Variants in COL11A1 observed in about 807,000 individuals in gnomAD.
COL11A1 encodes collagen type XI alpha 1 chain.
In COL11A1, 74 loss-of-function variants were observed where a neutral mutation model predicts 265.2. That is an observed-to-expected ratio of 0.28 (90% CI 0.23 to 0.34). The LOEUF (loss-of-function observed/expected upper bound fraction) is 0.34, where lower values mean the gene tolerates loss of function less well. Ranked by LOEUF, COL11A1 falls within the 10% of genes least tolerant of loss-of-function variation. COL11A1 has a pLI of 1.00. For synonymous variants in COL11A1, 816 were observed against 727.6 expected (o/e 1.12, Z -1.96); for missense variants, 2,165 against 2,263.6 (o/e 0.96, Z 0.88).
At chr1:102,892,691 A>G (rs1475079667) in intron 57 of COL11A1, among the ~76,000 whole-genome samples, 5 of 152,192 alleles carry the variant, frequency 3.3e-5, no homozygotes, top group Non-Finnish European at 7.3e-5. Flanking sequence ...TAGTGTTAAT[A>G]TAAATTAGCC....
At chr1:102,967,236 T>C (rs1305716136) in intron 37 of COL11A1, among the ~76,000 whole-genome samples, 4 of 79,662 alleles carry the variant, frequency 5.0e-5, no homozygotes, top group African/African-American at 8.4e-5. Context: ...TCTTTTTTTT[T>C]TTTTTTTTTT....
chr1:102,964,276 A>T (rs1661191420), intron 38 of COL11A1, among the ~76,000 whole-genome samples: 1 of 152,196 alleles, frequency 6.6e-6, no homozygotes, highest in Non-Finnish European at 1.5e-5. Context: ...TAATTTTTCT[A>T]GTTAAATTTT....
intron 4 of COL11A1, among the ~76,000 whole-genome samples, chr1:103,071,992 T>C (rs775546708): frequency 5.3e-5 from 8 of 151,690 alleles, no homozygotes; most frequent in Non-Finnish European, 1.2e-4. Context: ...GAAACTGATA[T>C]AGAGTAATTA....
chr1:102,989,414 A>G (rs1394410222), intron 29 of COL11A1, 104 bp downstream of exon 29: 11 of 639,660 alleles, frequency 1.7e-5, no homozygotes, highest in Non-Finnish European at 2.7e-5. Context: ...GGTAGTACAA[A>G]CATTTTATTT....
chr1:102,931,212 T>C (rs931513985), intron 46 of COL11A1, among the ~76,000 whole-genome samples: 2 of 150,304 alleles, frequency 1.3e-5, no homozygotes, highest in African/African-American at 4.9e-5. Flanking sequence ...TCTTTCCTGC[T>C]TTCTCTTGTG....
intron 42 of COL11A1, among the ~76,000 whole-genome samples, chr1:102,945,054 A>AC: frequency 6.7e-6 from 1 of 150,054 alleles, no homozygotes; most frequent in East Asian, 1.9e-4. Context: ...TACAGAAAAC[A>AC]TTTTTTTTTT....
chr1:102,916,213 G>A (rs577598978), intron 49 of COL11A1, among the ~76,000 whole-genome samples: 16 of 152,218 alleles, frequency 1.1e-4, no homozygotes, highest in Admixed American at 3.9e-4. Context: ...GTACTTAGAC[G>A]TTAATTAAAA....
intron 57 of COL11A1, among the ~76,000 whole-genome samples, chr1:102,895,163 G>A (rs1163184811): frequency 6.6e-6 from 1 of 152,036 alleles, no homozygotes; most frequent in Non-Finnish European, 1.5e-5. Context: ...AACATAGTGT[G>A]GGCAGACACC....
rs181037780 is a variant in COL11A1, at chr1:102,877,151, T to A, written c.*868A>T. On this transcript the variant is annotated 3_prime_UTR_variant, in exon 67 of 67. Transcript: ENST00000370096. ...TATGATTGTTTGCTTGACGGAGGCA[T>A]TGATTTGTTAATATACTTTCTTACA... 22 of 152,682 alleles carry A rather than the reference T, an allele frequency of 1.4e-4. No homozygotes were observed. The highest frequency in any genetic ancestry group is 5.3e-4 in the African/African-American group (22 of 41,566). The allele number at this position is 152,682 out of a possible 1,614,324, so 9.5% of individuals were successfully genotyped here.
At chr1:103,057,751 C>G (rs1043167394) in intron 4 of COL11A1, among the ~76,000 whole-genome samples, 2 of 151,958 alleles carry the variant, frequency 1.3e-5, no homozygotes, top group African/African-American at 2.4e-5. Context: ...CATTTTTTTT[C>G]TCAGCAGTAG....
intron 57 of COL11A1, among the ~76,000 whole-genome samples, chr1:102,897,921 G>C (rs962104996): frequency 2.6e-5 from 4 of 152,100 alleles, no homozygotes; most frequent in African/African-American, 9.7e-5. Context: ...GCATAAGAAA[G>C]AAACAAATCT....
intron 57 of COL11A1, among the ~76,000 whole-genome samples, chr1:102,892,844 C>T (rs529298621): frequency 6.6e-6 from 1 of 152,254 alleles, no homozygotes; most frequent in East Asian, 1.9e-4. Context: ...TATTTTCATA[C>T]AAGCACATGC....
Position 103,008,482 on chromosome 1 carries a change from C to T in COL11A1, c.1664G>A (p.Ser555Asn), listed in dbSNP as rs149894788. 11 of 1,613,784 alleles carry T rather than the reference C, an allele frequency of 6.8e-6. No individual in the cohort carries two copies. In the African/African-American group the frequency reaches 1.2e-4, roughly 18 times the overall value. Reference protein sequence around the residue: ...GPGSSGAKGESGDPGPQGPRG... With the variant: ...GPGSSGAKGENGDPGPQGPRG... ...TTTTACCTGAGGACCTGGATCACCACTCTCACCTTTGGCCCCAGATGAACC... is the reference window on the plus strand; with the variant it reads ...TTTTACCTGAGGACCTGGATCACCATTCTCACCTTTGGCCCCAGATGAACC... Residue 555 changes from serine to asparagine, a missense_variant, in exon 15 of 67, where the codon AGT (serine) becomes AAT (asparagine). Coordinates refer to ENST00000370096, the MANE Select transcript of COL11A1 (RefSeq NM_001854.4).
chr1:102,890,541 C>CA (rs1651631401), intron 57 of COL11A1, 37 bp from the exon 58 acceptor site: 2 of 1,554,678 alleles, frequency 1.3e-6, no homozygotes, highest in Non-Finnish European at 1.7e-6. Context: ...AAAACAAAAA[C>CA]AGAGTAGGTA....
In COL11A1 at chr1:102,921,536, T is replaced by C; in HGVS notation, c.3690A>G (p.Gln1230=). Residue 1230 remains glutamine (Q), a synonymous_variant, in exon 48 of 67, where the codon CAA becomes CAG. Coordinates refer to ENST00000370096, the MANE Select transcript of COL11A1 (RefSeq NM_001854.4). The stretch of plus-strand genomic sequence containing the variant: ...TTCTTACATCAGCTCCATTGGGACC[T>C]TGAGGGCCTCTTGGGCCTGGAGGAC... ...PPGPPGPRGP[Q]GPNGADGPQG... 1 of 1,613,476 alleles carries C rather than the reference T, an allele frequency of 6.2e-7. No individual in the cohort carries two copies. The highest frequency in any genetic ancestry group is 8.5e-7 in the Non-Finnish European group (1 of 1,179,570).
intron 4 of COL11A1, among the ~76,000 whole-genome samples, chr1:103,045,367 G>C (rs938697304): frequency 2.0e-5 from 3 of 152,124 alleles, no homozygotes; most frequent in Non-Finnish European, 2.9e-5. Context: ...ATGCTGCTTA[G>C]AGAACAGATG....
At chr1:103,059,477 A>G (rs1670495507) in intron 4 of COL11A1, among the ~76,000 whole-genome samples, 1 of 152,152 alleles carries the variant, frequency 6.6e-6, no homozygotes, top group Non-Finnish European at 1.5e-5. Context: ...CACAAAATTA[A>G]AAGGCATACT....
intron 2 of COL11A1, among the ~76,000 whole-genome samples, chr1:103,081,081 C>T (rs1672375733): frequency 6.6e-6 from 1 of 151,778 alleles, no homozygotes; most frequent in Non-Finnish European, 1.5e-5. Context: ...TCCCATGGAA[C>T]TATTGTGGAA....
At chr1:102,885,950 T>A (rs918945133) in intron 63 of COL11A1, among the ~76,000 whole-genome samples, 2 of 152,120 alleles carry the variant, frequency 1.3e-5, no homozygotes, top group Admixed American at 6.6e-5. Flanking sequence ...ATCCTTTTTT[T>A]TATGCTGGCT....
Sources: gnomAD v4.1 joint callset for allele counts (sites outside exome capture counted in the v4.1 genomes callset) on GRCh38, gnomAD v4.1.1 for gene constraint, MANE v1.5 for transcripts, NCBI Gene and HGNC (gene_info 2026-07-23, HGNC 2026-07-21) for gene names.